Variants in TMCC1 observed in about 807,000 individuals in gnomAD.
The protein encoded by TMCC1 is transmembrane and coiled-coil domain family 1.
Under a neutral mutation model 52.4 loss-of-function variants are expected in TMCC1, and 15 were observed. That is an observed-to-expected ratio of 0.29 (90% CI 0.19 to 0.44). The LOEUF is 0.44. Among genes scored for constraint, TMCC1 ranks in the 20% least tolerant of loss-of-function variants. The pLI is 1.00. For missense variants in TMCC1, 503 were observed against 806.0 expected (o/e 0.62, Z 4.55); for synonymous variants, 279 against 301.9 (o/e 0.92, Z 0.79).
chr3:129,866,364 T>TTATA, intron 2 of TMCC1, among the ~76,000 whole-genome samples: 1 of 142,176 alleles, frequency 7.0e-6, no homozygotes, highest in East Asian at 2.0e-4. Context: ...AATATATATT[T>TTATA]TATATATATA....
chr3:129,654,855 G>C (rs931470576), intron 6 of TMCC1, 113 bp downstream of exon 6: 3 of 1,392,664 alleles, frequency 2.2e-6, no homozygotes, highest in African/African-American at 2.9e-5. Flanking sequence ...TTACACAGTT[G>C]GTATAAGCTT....
At chr3:129,670,050 A>G (rs144138174) in intron 5 of TMCC1, among the ~76,000 whole-genome samples, 179 of 152,350 alleles carry the variant, frequency 1.2e-3, no homozygotes, top group African/African-American at 3.7e-3. Context: ...TCAATGTAGT[A>G]CAGTTACAGG....
Position 129,863,396 on chromosome 3 carries a change from C to T in TMCC1, c.-184+16913G>A, listed in dbSNP as rs533312095. On this transcript the variant is annotated intron_variant, in intron 2 of 6. Transcript: ENST00000393238. ...AGAAGTAAAGCAGTTTGCCTTGGTACCTCAAAAATCAAGAAGAAAAACAAG... is the reference window on the plus strand; with the variant it reads ...AGAAGTAAAGCAGTTTGCCTTGGTATCTCAAAAATCAAGAAGAAAAACAAG... Among the ~76,000 whole-genome samples, 3 of 152,150 alleles carry T rather than the reference C, an allele frequency of 2.0e-5. No homozygotes were observed. In the South Asian group the frequency reaches 6.2e-4, roughly 32 times the overall value.
At chr3:129,819,623 T>C (rs1026714562) in intron 4 of TMCC1, among the ~76,000 whole-genome samples, 2 of 152,126 alleles carry the variant, frequency 1.3e-5, no homozygotes, top group African/African-American at 4.8e-5. Flanking sequence ...ACTTCAGAAT[T>C]AGGAAAGGTC....
chr3:129,874,344 T>C (rs2061081369), intron 2 of TMCC1, among the ~76,000 whole-genome samples: 1 of 152,218 alleles, frequency 6.6e-6, no homozygotes, highest in Admixed American at 6.5e-5. Context: ...GATTCTCAAA[T>C]GTCTTCTGAC....
chr3:129,666,307 A>G (rs1363294285), intron 5 of TMCC1, among the ~76,000 whole-genome samples: 1 of 152,232 alleles, frequency 6.6e-6, no homozygotes, highest in African/African-American at 2.4e-5. Context: ...GGACAGCTTC[A>G]CTAACCTGAG....
chr3:129,814,577 C>G (rs1276200513), intron 4 of TMCC1, among the ~76,000 whole-genome samples: 1 of 152,076 alleles, frequency 6.6e-6, no homozygotes, highest in African/African-American at 2.4e-5. Flanking sequence ...TGTAAATGGA[C>G]TCAATTCTCC....
chr3:129,652,171 C>T (rs1344519346), intron 6 of TMCC1, among the ~76,000 whole-genome samples: 1 of 152,244 alleles, frequency 6.6e-6, no homozygotes, highest in African/African-American at 2.4e-5. Flanking sequence ...TCTCTCTTGA[C>T]ATTTCCTTCA....
chr3:129,787,300 A>G (rs1396459330), intron 4 of TMCC1, among the ~76,000 whole-genome samples: 1 of 152,174 alleles, frequency 6.6e-6, no homozygotes, highest in African/African-American at 2.4e-5. Flanking sequence ...TTTATTATAC[A>G]TGCTACCTTT....
intron 4 of TMCC1, among the ~76,000 whole-genome samples, chr3:129,761,063 C>T (rs552261615): frequency 2.0e-5 from 3 of 152,100 alleles, no homozygotes; most frequent in Admixed American, 6.5e-5. Flanking sequence ...CGGTGGCTCA[C>T]GCCTGTAATC....
At chr3:129,792,253 T>C (rs2056526095) in intron 4 of TMCC1, among the ~76,000 whole-genome samples, 2 of 151,850 alleles carry the variant, frequency 1.3e-5, no homozygotes, top group East Asian at 1.9e-4. Context: ...GTTCAATATG[T>C]GCCAGAAATA....
intron 4 of TMCC1, among the ~76,000 whole-genome samples, chr3:129,683,654 A>G (rs928182293): frequency 2.0e-5 from 3 of 151,916 alleles, no homozygotes; most frequent in Non-Finnish European, 4.4e-5. Context: ...ACAGAGGTGA[A>G]CTCTGGGCTT....
rs78327184 is a variant in TMCC1, at chr3:129,688,697, C to T, written c.577-17433G>A. 5.5e-4 allele frequency: 544 copies of T among 985,406 alleles called. No individual in the cohort carries two copies. The African/African-American group carries it at 8.6e-3, about 16-fold the overall frequency. 61.0% of individuals were successfully genotyped at this position (985,406 alleles called of 1,614,324 possible). A position where few individuals can be genotyped will look rare whatever the true frequency, so the allele number is the denominator to read the frequency against. On this transcript the variant is annotated intron_variant, in intron 4 of 6. Transcript: ENST00000393238. ...TGCCAAACAAGCATCCGTGTGTGTG[C>T]GCGCGCACGCAGTTTGCTAGAGCAG...
At chr3:129,720,726 ACT>A (rs1370059179) in intron 4 of TMCC1, among the ~76,000 whole-genome samples, 1 of 151,958 alleles carries the variant, frequency 6.6e-6, no homozygotes, top group Non-Finnish European at 1.5e-5. Context: ...AGACAGTCTC[ACT>A]CTGTCACCCA....
intron 6 of TMCC1, among the ~76,000 whole-genome samples, chr3:129,652,209 C>T (rs1435019601): frequency 2.0e-5 from 3 of 152,186 alleles, no homozygotes; most frequent in Non-Finnish European, 4.4e-5. Flanking sequence ...TGAGGCAGTA[C>T]TGTTTGTGTT....
At chr3:129,835,468 A>T (rs190559925) in intron 2 of TMCC1, among the ~76,000 whole-genome samples, 22 of 150,844 alleles carry the variant, frequency 1.5e-4, no homozygotes, top group African/African-American at 5.5e-4. Context: ...AGAATCCAGA[A>T]AGAGAGATAT....
intron 1 of TMCC1, chr3:129,893,143 T>G (rs958950634): frequency 6.6e-6 from 1 of 152,178 alleles, no homozygotes; most frequent in Non-Finnish European, 1.5e-5. Context: ...AAACAGTCCC[T>G]CGGGCCTCGG....
chr3:129,703,718 A>G (rs2048012459), intron 4 of TMCC1, among the ~76,000 whole-genome samples: 1 of 152,226 alleles, frequency 6.6e-6, no homozygotes, highest in African/African-American at 2.4e-5. Context: ...ACCAGTATAG[A>G]GCATATACTT....
intron 4 of TMCC1, among the ~76,000 whole-genome samples, chr3:129,766,350 A>T (rs2054128596): frequency 6.6e-6 from 1 of 152,162 alleles, no homozygotes; most frequent in African/African-American, 2.4e-5. Context: ...TCATTCATTC[A>T]TTCTTTCACT....
Sources: gnomAD v4.1 joint callset for allele counts (sites outside exome capture counted in the v4.1 genomes callset) on GRCh38, gnomAD v4.1.1 for gene constraint, MANE v1.5 for transcripts, NCBI Gene and HGNC (gene_info 2026-07-23, HGNC 2026-07-21) for gene names.